SMARCAL1: variants seen among roughly 807,000 people sequenced by gnomAD.
The protein encoded by SMARCAL1 is ATP-driven annealing helicase.
Under a neutral mutation model 94.5 loss-of-function variants are expected in SMARCAL1, and 58 were observed. The ratio of observed to expected loss-of-function variants is 0.61; its 90% CI spans 0.50 to 0.76. The LOEUF (loss-of-function observed/expected upper bound fraction) is 0.76. Ranked by LOEUF, SMARCAL1 falls within the 30% of genes least tolerant of loss-of-function variation. The pLI, the probability that SMARCAL1 is intolerant of heterozygous loss-of-function variation, is 0.00. For missense variants in SMARCAL1, 1,051 were observed against 1,177.9 expected, an observed-to-expected ratio of 0.89 and a Z score of 1.58; for synonymous variants, 422 against 455.1, an observed-to-expected ratio of 0.93 and a Z score of 0.93.
At chr2:216,447,270 G>A (rs1412769056) in intron 11 of SMARCAL1, 112 bp downstream of exon 11, 3 of 1,329,246 alleles carry the variant, frequency 2.3e-6, no homozygotes, top group Non-Finnish European at 3.2e-6. Context: ...ACTGGCCAGG[G>A]GAATGGATTT....
At chr2:216,481,756 C>T (rs1036882023) in intron 17 of SMARCAL1, among the ~76,000 whole-genome samples, 1 of 152,184 alleles carries the variant, frequency 6.6e-6, no homozygotes, top group Admixed American at 6.5e-5. Context: ...CCATCCGCCT[C>T]GGCCTCCTAA....
chr2:216,463,590 C>T (rs1694757348), intron 12 of SMARCAL1, among the ~76,000 whole-genome samples: 1 of 152,142 alleles, frequency 6.6e-6, no homozygotes, highest in African/African-American at 2.4e-5. Flanking sequence ...AATGTTATCT[C>T]ACATTATTAT....
intron 8 of SMARCAL1, among the ~76,000 whole-genome samples, chr2:216,434,851 A>ATT (rs11408208): frequency 0.26 from 30,909 of 117,008 alleles, 4,989 homozygotes; most frequent in African/African-American, 0.42. Context: ...ACAACTCTCT[A>ATT]TTTTTTTTTT....
chr2:216,415,001 A>G lies in SMARCAL1; in HGVS notation c.297A>G (p.Lys99=). The G allele has an allele frequency of 6.2e-7, 1 of 1,614,220 alleles. No homozygotes were observed. The highest frequency in any genetic ancestry group is 8.5e-7 in the Non-Finnish European group (1 of 1,180,046). Reference sequence around the variant, plus strand: ...GTTTTCAGGCAAAGGGAATATGGAAAAAGCCAGAAGAAATGCCCACAGCCT... The same window carrying G: ...GTTTTCAGGCAAAGGGAATATGGAAGAAGCCAGAAGAAATGCCCACAGCCT... ...SHSFQAKGIW[K]KPEEMPTACP... Residue 99 remains lysine, a synonymous_variant, in exon 3 of 18, where the codon AAA becomes AAG. Coordinates refer to ENST00000357276, the MANE Select transcript of SMARCAL1 (RefSeq NM_014140.4).
intron 8 of SMARCAL1, 21 bp downstream of exon 8, chr2:216,432,889 A>G (rs1312455433): frequency 4.9e-5 from 79 of 1,613,984 alleles, no homozygotes; most frequent in Non-Finnish European, 6.3e-5. Flanking sequence ...TTCAAATTGC[A>G]GTTTTCACAG....
chr2:216,444,683 A>G (rs969275773), intron 10 of SMARCAL1, among the ~76,000 whole-genome samples: 5 of 152,060 alleles, frequency 3.3e-5, no homozygotes, highest in Admixed American at 1.3e-4. Flanking sequence ...GCACCTGGCT[A>G]ATTTTGTATT....
Position 216,475,562 on chromosome 2 carries a change from A to C in SMARCAL1, c.2427+111A>C. On this transcript the variant is annotated intron_variant, in intron 15 of 17. Coordinates refer to ENST00000357276, the MANE Select transcript of SMARCAL1 (RefSeq NM_014140.4). The surrounding 1 kb of genome is among the most constrained non-coding windows in gnomAD (Gnocchi z 4.4). ...GGTTTCCCTTTTATCCATTCATTAT[A>C]CTTCCCACAAGTCAGTTTTCACTTC... is the stretch of plus-strand genomic sequence containing the variant. The C allele has an allele frequency of 9.2e-7, 1 of 1,091,156 alleles. No individual in the cohort carries two copies. The highest frequency in any genetic ancestry group is 1.4e-6 in the Non-Finnish European group (1 of 714,160). 67.6% of individuals were successfully genotyped at this position (1,091,156 alleles called of 1,614,324 possible).
chr2:216,474,839 G>A (rs770182034), intron 14 of SMARCAL1, among the ~76,000 whole-genome samples: 2 of 152,160 alleles, frequency 1.3e-5, no homozygotes, highest in Non-Finnish European at 2.9e-5. Context: ...GGAAAGAGGA[G>A]GGAGGTAAAA....
chr2:216,426,151 C>CT (rs1242437088), intron 6 of SMARCAL1, among the ~76,000 whole-genome samples: 1 of 152,160 alleles, frequency 6.6e-6, no homozygotes, highest in Non-Finnish European at 1.5e-5. Flanking sequence ...CGTGAGCCAC[C>CT]GTGCCCAGCC....
chr2:216,475,381 C>T lies in SMARCAL1; in HGVS notation c.2357C>T (p.Ala786Val). The part of the protein sequence containing the change: ...RHAVAVLSIT[A>V]ANMGLTFSSA... The stretch of plus-strand genomic sequence containing the variant: ...GCTGTGGCCGTGCTGTCCATCACCG[C>T]TGCCAATATGGGCCTCACCTTCTCC... Residue 786 changes from alanine to valine, a missense_variant, in exon 15 of 18, where the codon GCT becomes GTT. Physicochemically the swap from Ala to Val is moderately conservative, Grantham distance 64. Around this residue, in one of 3 missense-constraint regions of SMARCAL1, gnomAD observed 642 missense variants for 754.7 expected, o/e 0.85. Coordinates refer to ENST00000357276, the MANE Select transcript of SMARCAL1 (RefSeq NM_014140.4). This position sits in a 1 kb window ranked among gnomAD's most constrained non-coding sequence, Gnocchi z 4.4. 6.2e-7 allele frequency: 1 copy of T among 1,614,208 alleles called. No individual in the cohort carries two copies. The highest frequency in any genetic ancestry group is 8.5e-7 in the Non-Finnish European group (1 of 1,180,042).
Position 216,475,454 on chromosome 2 carries a change from AAG to A in SMARCAL1, c.2427+7_2427+8del. ...CTGAGCTGTTTTGGAACCCAGGGGT[AAG>A]AGACGCAGAAGACTCAGATACTCCC... On this transcript the variant is annotated splice_donor_5th_base_variant and intron_variant, in intron 15 of 17. Transcript: ENST00000357276. This position sits in a 1 kb window ranked among gnomAD's most constrained non-coding sequence, Gnocchi z 4.4. The A allele has an allele frequency of 2.5e-6, 4 of 1,614,110 alleles. No homozygotes were observed. The highest frequency in any genetic ancestry group is 3.4e-6 in the Non-Finnish European group (4 of 1,179,982).
In SMARCAL1 at chr2:216,420,552, C is replaced by A; in HGVS notation, c.1096+20C>A. On this transcript the variant is annotated intron_variant, in intron 5 of 17. Transcript: ENST00000357276. ...GATATGGCAAGTAATTGGTCTTTGT[C>A]TGATTCCCAGAATGTGTAGTGGTCT... 6.3e-7 allele frequency: 1 copy of A among 1,579,392 alleles called. No individual in the cohort carries two copies. The highest frequency in any genetic ancestry group is 8.7e-7 in the Non-Finnish European group (1 of 1,148,474).
chr2:216,422,006 G>A (rs1192445105), intron 5 of SMARCAL1, among the ~76,000 whole-genome samples: 2 of 152,158 alleles, frequency 1.3e-5, no homozygotes, highest in African/African-American at 2.4e-5. Context: ...CAGGCAGGTC[G>A]TGAGATGAGC....
At chr2:216,448,788 T>G (rs946771398) in intron 11 of SMARCAL1, among the ~76,000 whole-genome samples, 2 of 151,496 alleles carry the variant, frequency 1.3e-5, no homozygotes, top group African/African-American at 4.9e-5. Context: ...GCCAAGGTCA[T>G]GCCACTGCAC....
intron 9 of SMARCAL1, among the ~76,000 whole-genome samples, 153 bp downstream of exon 9, chr2:216,435,649 A>G (rs1410445161): frequency 6.6e-6 from 1 of 152,120 alleles, no homozygotes; most frequent in Non-Finnish European, 1.5e-5. Context: ...GGAACTGGAA[A>G]TTCATTCCCC....
Position 216,443,805 on chromosome 2 carries a change from T to A in SMARCAL1, c.1711-3213T>A, listed in dbSNP as rs145926024. 3.8e-3 allele frequency among the ~76,000 whole-genome samples: 572 copies of A among 152,354 alleles called. 1 individual carries two copies. Among genetic ancestry groups the A allele is most frequent in the Non-Finnish European group, 5.5e-3 (372 of 68,036 alleles). On this transcript the variant is annotated intron_variant, in intron 10 of 17. Transcript: ENST00000357276. ...AGCCTCTGGTCAGCAGTGGCCATAATTATGCTGCTTTCTTGGTTTGTCCTG... is the reference window on the plus strand; with the variant it reads ...AGCCTCTGGTCAGCAGTGGCCATAAATATGCTGCTTTCTTGGTTTGTCCTG...
chr2:216,423,853 G>C (rs1171869731), intron 6 of SMARCAL1, among the ~76,000 whole-genome samples, 170 bp downstream of exon 6: 3 of 152,196 alleles, frequency 2.0e-5, no homozygotes, highest in Admixed American at 1.3e-4. Context: ...CCACTGAGAT[G>C]GTGGCTTTAT....
Position 216,420,516 on chromosome 2 carries a change from G to A in SMARCAL1, c.1080G>A (p.Met360Ile). 1 of 1,613,494 alleles carries A rather than the reference G, an allele frequency of 6.2e-7. No homozygotes were observed. The highest frequency in any genetic ancestry group is 8.5e-7 in the Non-Finnish European group (1 of 1,179,422). Residue 360 changes from methionine to isoleucine, a missense_variant, in exon 5 of 18, where the codon ATG becomes ATA. Coordinates refer to ENST00000357276, the MANE Select transcript of SMARCAL1 (RefSeq NM_014140.4). ...SQDLIALFKQMDSRRYDVKTR... is the reference protein window; with the variant it reads ...SQDLIALFKQIDSRRYDVKTR... Reference sequence around the variant, plus strand: ...ACCTTATTGCGCTTTTTAAACAGATGGATTCCAGAAGATATGGCAAGTAAT... The same window carrying A: ...ACCTTATTGCGCTTTTTAAACAGATAGATTCCAGAAGATATGGCAAGTAAT...
chr2:216,438,172 A>G (rs1254119297), intron 9 of SMARCAL1, among the ~76,000 whole-genome samples: 1 of 152,228 alleles, frequency 6.6e-6, no homozygotes, highest in Non-Finnish European at 1.5e-5. Context: ...GCAGGGATTC[A>G]TGAATCCCAC....
Sources: gnomAD v4.1 joint callset for allele counts (sites outside exome capture counted in the v4.1 genomes callset) on GRCh38, gnomAD v4.1.1 for gene constraint, gnomAD v4.1.1 regional missense constraint, Gnocchi (gnomAD v3.1) non-coding constraint, MANE v1.5 for transcripts, NCBI Gene and HGNC (gene_info 2026-07-23, HGNC 2026-07-21) for gene names.